ACAD10: variants seen among roughly 807,000 people sequenced by gnomAD.
ACAD10 encodes acyl-CoA dehydrogenase family member 10.
Under a neutral mutation model 116.8 loss-of-function variants are expected in ACAD10, and 112 were observed. The observed-to-expected ratio is 0.96, with a 90% CI of 0.82 to 1.12. The LOEUF is 1.12. Among genes scored for constraint, ACAD10 ranks in the 50% most tolerant of loss-of-function variants. ACAD10 has a pLI of 0.00. For missense variants in ACAD10, 1,259 were observed against 1,350.2 expected, an observed-to-expected ratio of 0.93 and a Z score of 1.06; for synonymous variants, 486 against 510.6, an observed-to-expected ratio of 0.95 and a Z score of 0.65.
chr12:111,744,885 G>A lies in ACAD10; in HGVS notation c.1957G>A (p.Val653Ile). The change falls in exon 13 of 21, where the codon GTT becomes ATT. Residue 653 changes from valine to isoleucine, a missense_variant. By Grantham distance (29) the Val-to-Ile change is conservative. Transcript: ENST00000313698. The stretch of plus-strand genomic sequence containing the variant: ...AGCTCATACCTCAAGGGGAGGTCTG[G>A]TTATCTCTCCAGAGAGCCTCTCTCC... ...SPAHTSRGGLVISPESLSPPV... is the reference protein window; with the variant it reads ...SPAHTSRGGLIISPESLSPPV... 6.2e-7 allele frequency: 1 copy of A among 1,614,210 alleles called. No homozygotes were observed. Among genetic ancestry groups the A allele is most frequent in the Non-Finnish European group, 8.5e-7 (1 of 1,180,048 alleles).
chr12:111,739,403 A>C (rs1889666117), intron 12 of ACAD10, among the ~76,000 whole-genome samples: 1 of 152,228 alleles, frequency 6.6e-6, no homozygotes, highest in Non-Finnish European at 1.5e-5. Context: ...TTCTTCAAAC[A>C]CTTACATTTC....
chr12:111,718,148 C>T (rs117457069), intron 7 of ACAD10, among the ~76,000 whole-genome samples: 2,587 of 141,784 alleles, frequency 0.018, 27 homozygotes, highest in Middle Eastern at 0.033. Flanking sequence ...CTCCCAGGTC[C>T]AAGTGATTCT....
intron 12 of ACAD10, 196 bp from the exon 13 acceptor site, chr12:111,744,447 C>T (rs889083874): frequency 6.2e-6 from 4 of 648,404 alleles, no homozygotes; most frequent in African/African-American, 1.8e-5. Context: ...AGTTTTCTTG[C>T]GTGCAAAGTG....
chr12:111,727,747 G>T (rs552517472), intron 8 of ACAD10, among the ~76,000 whole-genome samples: 1 of 152,178 alleles, frequency 6.6e-6, no homozygotes, highest in South Asian at 2.1e-4. Flanking sequence ...ATATGTGTGT[G>T]TGCATGTATG....
intron 3 of ACAD10, among the ~76,000 whole-genome samples, chr12:111,704,058 G>A (rs1012230294): frequency 1.3e-5 from 2 of 151,894 alleles, no homozygotes; most frequent in African/African-American, 2.4e-5. Context: ...CATAGAGATA[G>A]AAAGTAGATT....
At chr12:111,711,926 G>C (rs910482854) in intron 5 of ACAD10, among the ~76,000 whole-genome samples, 6 of 152,238 alleles carry the variant, frequency 3.9e-5, no homozygotes, top group Non-Finnish European at 5.9e-5. Context: ...ACTGGTCCAA[G>C]CAAGTATTGG....
chr12:111,706,950 G>A (rs1466238921), intron 4 of ACAD10, among the ~76,000 whole-genome samples: 3 of 139,784 alleles, frequency 2.1e-5, no homozygotes, highest in Non-Finnish European at 4.6e-5. Context: ...CACCACCCCT[G>A]AATTTTTAGT....
chr12:111,721,991 T>C, intron 8 of ACAD10: 1 of 321,030 alleles, frequency 3.1e-6, no homozygotes, highest in Non-Finnish European at 5.6e-6. Flanking sequence ...TCTAGTTTCA[T>C]GTTGCTTGTC....
At chr12:111,709,231 C>T (rs1028296492) in intron 4 of ACAD10, among the ~76,000 whole-genome samples, 12 of 152,080 alleles carry the variant, frequency 7.9e-5, no homozygotes, top group African/African-American at 1.4e-4. Flanking sequence ...ATATTATTCC[C>T]ATTTTATTGA....
At chr12:111,708,099 A>G (rs999003506) in intron 4 of ACAD10, among the ~76,000 whole-genome samples, 1 of 152,170 alleles carries the variant, frequency 6.6e-6, no homozygotes, top group African/African-American at 2.4e-5. Context: ...AAATAAAATC[A>G]TTTTTATCTG....
At chr12:111,688,760 C>T (rs1488399971) in intron 1 of ACAD10, among the ~76,000 whole-genome samples, 3 of 151,152 alleles carry the variant, frequency 2.0e-5, no homozygotes, top group African/African-American at 4.9e-5. Context: ...CGAGATCACA[C>T]CATTGCACTC....
intron 16 of ACAD10, 100 bp downstream of exon 16, chr12:111,747,485 G>A: frequency 6.4e-7 from 1 of 1,574,548 alleles, no homozygotes; most frequent in South Asian, 1.2e-5. Flanking sequence ...TTTTCAAGTT[G>A]ACACAAAGGA....
intron 3 of ACAD10, among the ~76,000 whole-genome samples, chr12:111,702,517 G>A (rs1297480979): frequency 1.3e-5 from 2 of 152,018 alleles, no homozygotes; most frequent in Admixed American, 6.6e-5. Context: ...ATCACCTGAG[G>A]TCAGGAGTTC....
chr12:111,739,257 A>G (rs909350473), intron 12 of ACAD10, among the ~76,000 whole-genome samples: 1 of 152,006 alleles, frequency 6.6e-6, no homozygotes, highest in Non-Finnish European at 1.5e-5. Context: ...AGTTACACTG[A>G]CTCTGCCCAG....
intron 5 of ACAD10, among the ~76,000 whole-genome samples, chr12:111,710,932 GCTT>G (rs1165093535): frequency 6.6e-6 from 1 of 152,122 alleles, no homozygotes; most frequent in African/African-American, 2.4e-5. Context: ...GTTGACCAGT[GCTT>G]CTCTCTGCAG....
chr12:111,722,070 T>C (rs1449512372), intron 8 of ACAD10: 1 of 165,430 alleles, frequency 6.0e-6, no homozygotes, highest in African/African-American at 2.5e-5. Context: ...GGAGTCTCAT[T>C]CTGTCACCCA....
chr12:111,723,572 G>A (rs1327601618), intron 8 of ACAD10, among the ~76,000 whole-genome samples: 12 of 141,824 alleles, frequency 8.5e-5, no homozygotes, highest in East Asian at 2.2e-4. Context: ...CCTCCCGGAC[G>A]GGGTGGCTGG....
At position 111,756,707 on chromosome 12, in the gene ACAD10, T is replaced by C; in HGVS notation, c.*234T>C. On this transcript the variant is annotated 3_prime_UTR_variant, in exon 21 of 21. Transcript: ENST00000313698. ...GGGGATTTGCTGAGGGCCAAGGGGG[T>C]TCTGGGACAGAGTCTGGAAAGCTGG... 1.4e-6 allele frequency: 1 copy of C among 725,038 alleles called. No homozygotes were observed. The highest frequency in any genetic ancestry group is 1.5e-5 in the South Asian group (1 of 67,582). The allele number at this position is 725,038 out of a possible 1,614,324, so 44.9% of individuals were successfully genotyped here. A position where few individuals can be genotyped will look rare whatever the true frequency, so the allele number is the denominator to read the frequency against.
chr12:111,702,791 T>C (rs2135950180), intron 3 of ACAD10, among the ~76,000 whole-genome samples: 1 of 152,130 alleles, frequency 6.6e-6, no homozygotes, highest in East Asian at 1.9e-4. Flanking sequence ...AATTCATATA[T>C]GAATAACTAA....
Sources: allele counts gnomAD v4.1 joint callset (sites outside exome capture counted in the v4.1 genomes callset), GRCh38; gene constraint gnomAD v4.1.1; transcripts MANE v1.5; gene names NCBI Gene and HGNC (gene_info 2026-07-23, HGNC 2026-07-21).